Variants in ZNF518A observed in about 807,000 individuals in gnomAD.
ZNF518A encodes zinc finger protein 518.
Under a neutral mutation model 102.7 loss-of-function variants are expected in ZNF518A, and 47 were observed. The observed-to-expected ratio is 0.46, with a 90% CI of 0.36 to 0.58. The LOEUF (loss-of-function observed/expected upper bound fraction) is 0.58. Ranked by LOEUF, ZNF518A falls within the 20% of genes least tolerant of loss-of-function variation. The pLI, the probability that ZNF518A is intolerant of heterozygous loss-of-function variation, is 0.00. For missense variants in ZNF518A, 1,793 were observed against 1,699.8 expected, an observed-to-expected ratio of 1.05 and a Z score of -0.96; for synonymous variants, 652 against 594.6, an observed-to-expected ratio of 1.10 and a Z score of -1.40.
In ZNF518A at chr10:96,192,527, C is replaced by T. The variant is rs79350973; in HGVS notation, n.36-11047C>T. On this transcript the variant is annotated intron_variant and non_coding_transcript_variant, in intron 1 of 2. Coordinates refer to the ZNF518A transcript ENST00000442635. ...AAATTTAGTACAAGGAAATAGTCAT[C>T]TCCTAAACAAAATTATGTTTTGTTT... 8.1e-3 allele frequency among the ~76,000 whole-genome samples: 1,227 copies of T among 152,196 alleles called. 12 individuals carry two copies. The highest frequency in any genetic ancestry group is 0.034 in the Middle Eastern group (10 of 294).
At chr10:96,173,237 A>G (rs1240104169) in intron 1 of ZNF518A, among the ~76,000 whole-genome samples, 1 of 152,152 alleles carries the variant, frequency 6.6e-6, no homozygotes, top group Non-Finnish European at 1.5e-5. Flanking sequence ...AACTGTTTAT[A>G]TTATGGAAAT....
chr10:96,179,077 A>C (rs2133890489), intron 1 of ZNF518A, among the ~76,000 whole-genome samples: 1 of 152,252 alleles, frequency 6.6e-6, no homozygotes, highest in Non-Finnish European at 1.5e-5. Context: ...CTGATACTAA[A>C]ATTTGATGAA....
At chr10:96,191,781 G>A in intron 1 of ZNF518A, 1 of 646,798 alleles carries the variant, frequency 1.5e-6, no homozygotes, top group East Asian at 2.8e-5. Context: ...CAGTTCATCA[G>A]GTCAGGCAAT....
intron 3 of ZNF518A, among the ~76,000 whole-genome samples, chr10:96,154,040 C>T (rs1331706145): frequency 1.3e-5 from 2 of 152,178 alleles, no homozygotes; most frequent in African/African-American, 4.8e-5. Flanking sequence ...TATTCCATTT[C>T]CCCACTCTTG....
intron 2 of ZNF518A, 51 bp from the exon 3 acceptor site, chr10:96,133,532 G>GT (rs1218120631): frequency 6.6e-6 from 1 of 152,126 alleles, no homozygotes; most frequent in African/African-American, 2.4e-5. Flanking sequence ...AAAAAAACAT[G>GT]TTTTTTCTAC....
In ZNF518A at chr10:96,156,556, G is replaced by A; in HGVS notation, c.234G>A (p.Gln78=). 6.2e-7 allele frequency: 1 copy of A among 1,613,106 alleles called. No homozygotes were observed. Among genetic ancestry groups the A allele is most frequent in the Non-Finnish European group, 8.5e-7 (1 of 1,179,550 alleles). ...ACAGAAAATTATTTCAGAGTAAACAGCAGACTGCAAGAAAATCTATCAGTA... is the reference window on the plus strand; with the variant it reads ...ACAGAAAATTATTTCAGAGTAAACAACAGACTGCAAGAAAATCTATCAGTA... ...DKYRKLFQSK[Q]QTARKSISIK... The change falls in exon 6 of 6, where the codon CAG becomes CAA. Residue 78 remains glutamine, a synonymous_variant. Transcript: ENST00000316045.
chr10:96,168,533 A>G (rs781914231), downstream of ZNF518A, among the ~76,000 whole-genome samples: 1 of 151,602 alleles, frequency 6.6e-6, no homozygotes, highest in Non-Finnish European at 1.5e-5. Flanking sequence ...TTGTAGAGCA[A>G]TTCTGCTAGC....
intron 3 of ZNF518A, among the ~76,000 whole-genome samples, chr10:96,137,271 T>A (rs1172940): frequency 0.31 from 46,620 of 152,198 alleles, 8,257 homozygotes; most frequent in East Asian, 0.66. Flanking sequence ...TCAATTTTTT[T>A]ATTTTTACTA....
chr10:96,167,025 C>T (rs1429388563), downstream of ZNF518A, among the ~76,000 whole-genome samples: 1 of 152,108 alleles, frequency 6.6e-6, no homozygotes, highest in Non-Finnish European at 1.5e-5. Flanking sequence ...TCTGTGTTAC[C>T]TAAAATGTCC....
At chr10:96,197,187 AT>A in intron 1 of ZNF518A, 1 of 699,748 alleles carries the variant, frequency 1.4e-6, no homozygotes, top group Non-Finnish European at 2.3e-6. Context: ...TAGCTACATT[AT>A]TTTTATTATT....
rs1564789235 is a variant in ZNF518A at position 96,160,892 on chromosome 10, A to G, written c.*118A>G. On this transcript the variant is annotated 3_prime_UTR_variant, in exon 6 of 6. Transcript: ENST00000316045. The stretch of plus-strand genomic sequence containing the variant: ...TATAGTACCTGAAATCGAACATTTT[A>G]AAAGTTGATTGTATTTCTGTGGAAG... 7.3e-6 allele frequency: 8 copies of G among 1,089,478 alleles called. No homozygotes were observed. In the South Asian group the frequency reaches 1.8e-4, roughly 24 times the overall value. 67.5% of individuals were successfully genotyped at this position (1,089,478 alleles called of 1,614,324 possible). A position where few individuals can be genotyped will look rare whatever the true frequency, so the allele number is the denominator to read the frequency against.
At chr10:96,203,750 T>C (rs943805410) in intron 2 of ZNF518A, 3 of 234,298 alleles carry the variant, frequency 1.3e-5, no homozygotes, top group Non-Finnish European at 2.5e-5. Flanking sequence ...TTACTTGATC[T>C]TATTATTTTG....
At position 96,159,870 on chromosome 10, in the gene ZNF518A, A is replaced by C; in HGVS notation, c.3548A>C (p.Glu1183Ala). The C allele has an allele frequency of 1.2e-6, 2 of 1,613,554 alleles. No homozygotes were observed. The highest frequency in any genetic ancestry group is 3.3e-4 in the Middle Eastern group (2 of 6,062). The change falls in exon 6 of 6, where the codon GAG (glutamate) becomes GCG (alanine). Residue 1183 changes from glutamate (E) to alanine (A), a missense_variant. Coordinates refer to ENST00000316045, the MANE Select transcript of ZNF518A (RefSeq NM_001330736.2). ...CCATCTAATCAGATTATAGGAGGAG[A>C]GCAGAAAGAGCCAGAATCTAGAGAT... ...NVPSNQIIGG[E>A]QKEPESRDAL...
chr10:96,131,122 A>T (rs1292580297), intron 1 of ZNF518A, among the ~76,000 whole-genome samples: 1 of 152,214 alleles, frequency 6.6e-6, no homozygotes, highest in Non-Finnish European at 1.5e-5. Context: ...AAAATAAAAT[A>T]AGTCAATGTT....
chr10:96,139,310 C>G (rs781788238), intron 3 of ZNF518A, among the ~76,000 whole-genome samples: 75 of 152,100 alleles, frequency 4.9e-4, no homozygotes, highest in Non-Finnish European at 8.8e-4. Flanking sequence ...CCCCCTTCCC[C>G]ATACTCAAAT....
chr10:96,179,854 CTTCTTTTT>C (rs2083228499), intron 1 of ZNF518A, among the ~76,000 whole-genome samples: 1 of 137,704 alleles, frequency 7.3e-6, no homozygotes. Flanking sequence ...TTCTTCTTTT[CTTCTTTTT>C]TTCTTCTTCT....
chr10:96,150,333 C>T (rs1343363416), intron 3 of ZNF518A, among the ~76,000 whole-genome samples: 7 of 95,380 alleles, frequency 7.3e-5, no homozygotes, highest in Admixed American at 2.2e-4. Context: ...GACTCCATTT[C>T]GGAAAAAAAA....
At chr10:96,184,457 G>A (rs1186407752) in intron 1 of ZNF518A, among the ~76,000 whole-genome samples, 33 of 152,166 alleles carry the variant, frequency 2.2e-4, no homozygotes, top group African/African-American at 8.0e-4. Flanking sequence ...TCCTTTCCAT[G>A]TTTAGTGCTT....
At chr10:96,131,886 G>A (rs1377635218) in intron 1 of ZNF518A, among the ~76,000 whole-genome samples, 3 of 152,024 alleles carry the variant, frequency 2.0e-5, no homozygotes, top group East Asian at 3.8e-4. Context: ...TCTATAATTT[G>A]ACTTCAGGAT....
Sources: allele counts gnomAD v4.1 joint callset (sites outside exome capture counted in the v4.1 genomes callset), GRCh38; gene constraint gnomAD v4.1.1; transcripts MANE v1.5; gene names NCBI Gene and HGNC (gene_info 2026-07-23, HGNC 2026-07-21).